Variants in PLCXD3 observed in about 807,000 individuals in gnomAD.
PLCXD3 encodes the protein phosphatidylinositol specific phospholipase C X domain containing 3, also known as PI-PLC X domain-containing protein 3.
A neutral mutation model predicts 25.5 loss-of-function variants in PLCXD3; 19 were observed. The observed-to-expected ratio is 0.75, with a 90% CI of 0.52 to 1.09. The LOEUF is 1.09. Ranked by LOEUF, PLCXD3 falls within the 50% of genes least tolerant of loss-of-function variation. The pLI is 0.00. For missense variants in PLCXD3, 411 were observed against 388.1 expected (o/e 1.06, Z -0.50); for synonymous variants, 174 against 137.6 (o/e 1.26, Z -1.85).
chr5:41,392,171 C>T (rs1745846317), intron 1 of PLCXD3, among the ~76,000 whole-genome samples: 1 of 152,194 alleles, frequency 6.6e-6, no homozygotes, highest in Non-Finnish European at 1.5e-5. Context: ...AGCTTTGCCA[C>T]CTGCTGATTG....
intron 1 of PLCXD3, among the ~76,000 whole-genome samples, chr5:41,410,141 C>CTTTT (rs5867553): frequency 6.6e-5 from 8 of 121,400 alleles, no homozygotes; most frequent in Admixed American, 2.5e-4. Flanking sequence ...TTTTATTTAT[C>CTTTT]TTTTTTTTTT....
chr5:41,491,510 A>C (rs140815930), intron 1 of PLCXD3, among the ~76,000 whole-genome samples: 17,069 of 152,088 alleles, frequency 0.11, 1,406 homozygotes, highest in African/African-American at 0.23. Flanking sequence ...TGTCTGGTTG[A>C]TCTGTCTAAC....
chr5:41,507,898 A>G (rs1459083706), intron 1 of PLCXD3, among the ~76,000 whole-genome samples: 1 of 152,234 alleles, frequency 6.6e-6, no homozygotes, highest in East Asian at 1.9e-4. Flanking sequence ...ATAGTCTCCA[A>G]TTAGTCTTCT....
At chr5:41,361,736 C>T (rs891690244) in intron 2 of PLCXD3, among the ~76,000 whole-genome samples, 3 of 152,210 alleles carry the variant, frequency 2.0e-5, no homozygotes, top group East Asian at 1.9e-4. Context: ...TCAGAGCTGT[C>T]AGTTAATCTA....
chr5:41,473,453 T>C (rs1748213247), intron 1 of PLCXD3, among the ~76,000 whole-genome samples: 1 of 151,478 alleles, frequency 6.6e-6, no homozygotes, highest in Non-Finnish European at 1.5e-5. Flanking sequence ...TTTTAATTAA[T>C]TAATTAATTA....
intron 2 of PLCXD3, among the ~76,000 whole-genome samples, chr5:41,368,789 G>T (rs539343231): frequency 6.6e-5 from 10 of 152,306 alleles, no homozygotes; most frequent in African/African-American, 2.2e-4. Flanking sequence ...CAGCTATTGA[G>T]ATAATCATGT....
chr5:41,325,438 T>C (rs1481539243), intron 2 of PLCXD3, among the ~76,000 whole-genome samples: 1 of 152,240 alleles, frequency 6.6e-6, no homozygotes, highest in Non-Finnish European at 1.5e-5. Context: ...CATTTCTTAA[T>C]CTTTTATCAT....
At chr5:41,389,101 G>A (rs1745730456) in intron 1 of PLCXD3, among the ~76,000 whole-genome samples, 1 of 151,858 alleles carries the variant, frequency 6.6e-6, no homozygotes, top group South Asian at 2.1e-4. Context: ...CCACTGGAAT[G>A]ATTAGACTGG....
At chr5:41,354,587 A>T (rs2150482559) in intron 2 of PLCXD3, among the ~76,000 whole-genome samples, 1 of 152,292 alleles carries the variant, frequency 6.6e-6, no homozygotes, top group Admixed American at 6.5e-5. Context: ...TATCTAAATT[A>T]CTTGCCACAG....
intron 2 of PLCXD3, among the ~76,000 whole-genome samples, chr5:41,317,314 G>T (rs1580294524): frequency 6.6e-6 from 1 of 152,328 alleles, no homozygotes; most frequent in African/African-American, 2.4e-5. Context: ...GTCTTGGGGT[G>T]CCCCCTAAAG....
At chr5:41,380,124 C>G (rs116007133) in intron 2 of PLCXD3, among the ~76,000 whole-genome samples, 2,732 of 151,972 alleles carry the variant, frequency 0.018, 39 homozygotes, top group Non-Finnish European at 0.027. Flanking sequence ...GATCAATTAG[C>G]CACATCTACC....
chr5:41,454,390 C>G (rs1747705335), intron 1 of PLCXD3, among the ~76,000 whole-genome samples: 1 of 151,908 alleles, frequency 6.6e-6, no homozygotes, highest in East Asian at 1.9e-4. Context: ...TTGGTGAGGG[C>G]CTACTTTCTG....
intron 1 of PLCXD3, among the ~76,000 whole-genome samples, chr5:41,481,292 A>C (rs1474856061): frequency 3.3e-5 from 5 of 152,158 alleles, no homozygotes; most frequent in Non-Finnish European, 7.4e-5. Context: ...AATACATGTA[A>C]GTGACTTTCA....
intron 1 of PLCXD3, among the ~76,000 whole-genome samples, chr5:41,466,720 C>T (rs958697002): frequency 2.0e-5 from 3 of 152,018 alleles, no homozygotes; most frequent in Non-Finnish European, 4.4e-5. Context: ...TCCCTGCCTC[C>T]CTCAGCCTCT....
rs1327589283 is a variant in PLCXD3, at chr5:41,310,556, T to C, written c.*3061A>G. 1 of 152,594 alleles carries C rather than the reference T, an allele frequency of 6.6e-6. No individual in the cohort carries two copies. Among genetic ancestry groups the C allele is most frequent in the Non-Finnish European group, 1.5e-5 (1 of 68,032 alleles). 9.5% of individuals were successfully genotyped at this position (152,594 alleles called of 1,614,324 possible). A position where few individuals can be genotyped will look rare whatever the true frequency, so the allele number is the denominator to read the frequency against. ...AGACAATGCCCAGCTGAGACAAATG[T>C]GCATAGGCTAAGGATAAGCTTCGAT... is the stretch of plus-strand genomic sequence containing the variant. On this transcript the variant is annotated 3_prime_UTR_variant, in exon 3 of 3. Coordinates refer to ENST00000377801, the MANE Select transcript of PLCXD3 (RefSeq NM_001005473.3).
chr5:41,346,439 T>C (rs2150479462), intron 2 of PLCXD3, among the ~76,000 whole-genome samples: 1 of 152,322 alleles, frequency 6.6e-6, no homozygotes, highest in African/African-American at 2.4e-5. Context: ...ACCATTACAG[T>C]ACCACAGTTT....
chr5:41,483,689 A>C (rs906192903), intron 1 of PLCXD3, among the ~76,000 whole-genome samples: 1 of 152,158 alleles, frequency 6.6e-6, no homozygotes, highest in African/African-American at 2.4e-5. Context: ...CACACTTAAA[A>C]ATGATTAAAA....
At chr5:41,410,044 A>T (rs1746470583) in intron 1 of PLCXD3, among the ~76,000 whole-genome samples, 1 of 152,238 alleles carries the variant, frequency 6.6e-6, no homozygotes, top group Non-Finnish European at 1.5e-5. Context: ...CATGGTTGTC[A>T]TAAGCTCTCA....
intron 2 of PLCXD3, among the ~76,000 whole-genome samples, chr5:41,377,749 C>T (rs146310801): frequency 9.2e-5 from 14 of 152,168 alleles, no homozygotes; most frequent in South Asian, 2.1e-4. Flanking sequence ...CAACTTCAAA[C>T]GCTGTTTTCT....
Sources: allele counts gnomAD v4.1 joint callset (sites outside exome capture counted in the v4.1 genomes callset), GRCh38; gene constraint gnomAD v4.1.1; transcripts MANE v1.5; gene names NCBI Gene and HGNC (gene_info 2026-07-23, HGNC 2026-07-21).